Variants in PTPRC observed in about 807,000 individuals in gnomAD.
The protein encoded by PTPRC is protein tyrosine phosphatase receptor type C.
In PTPRC, 44 loss-of-function variants were observed where a neutral mutation model predicts 155.9. That is an observed-to-expected ratio of 0.28 (90% CI 0.22 to 0.36). The LOEUF is 0.36. PTPRC is among the 10% of genes least tolerant of loss of function. The pLI is 1.00. For missense variants in PTPRC, 1,401 were observed against 1,564.6 expected (o/e 0.90, Z 1.76); for synonymous variants, 525 against 533.1 (o/e 0.98, Z 0.21).
intron 22 of PTPRC, among the ~76,000 whole-genome samples, chr1:198,734,805 G>C (rs1368453302): frequency 6.6e-6 from 1 of 151,622 alleles, no homozygotes; most frequent in African/African-American, 2.4e-5. Context: ...AGGAATAAAA[G>C]CCTCTCTGTC....
intron 28 of PTPRC, 110 bp from the exon 29 acceptor site, chr1:198,750,382 T>TA (rs1183094051): frequency 9.0e-7 from 1 of 1,110,248 alleles, no homozygotes; most frequent in Non-Finnish European, 1.4e-6. Flanking sequence ...TTACTATTTG[T>TA]ATGTAACAGC....
At chr1:198,673,121 T>C (rs1158840564) in intron 2 of PTPRC, among the ~76,000 whole-genome samples, 1 of 152,086 alleles carries the variant, frequency 6.6e-6, no homozygotes, top group Non-Finnish European at 1.5e-5. Context: ...AGACTAATCG[T>C]CTTCCTTTCC....
chr1:198,639,197 A>G, intron 1 of PTPRC, 29 bp from the exon 2 acceptor site: 1 of 1,247,154 alleles, frequency 8.0e-7, no homozygotes, highest in African/African-American at 1.5e-5. Flanking sequence ...AAAAACTTCT[A>G]CAGAGATAAC....
At chr1:198,680,633 T>A (rs1345501618) in intron 2 of PTPRC, among the ~76,000 whole-genome samples, 2 of 151,924 alleles carry the variant, frequency 1.3e-5, no homozygotes, top group African/African-American at 4.8e-5. Context: ...AATGTGGCGG[T>A]ATCTAGCATG....
At chr1:198,665,921 G>T (rs1387532832) in intron 2 of PTPRC, among the ~76,000 whole-genome samples, 1 of 152,104 alleles carries the variant, frequency 6.6e-6, no homozygotes, top group Non-Finnish European at 1.5e-5. Context: ...TATGTTATTA[G>T]TATATCTTTA....
intron 2 of PTPRC, among the ~76,000 whole-genome samples, chr1:198,663,738 T>C (rs915533328): frequency 4.8e-4 from 73 of 152,364 alleles, no homozygotes; most frequent in African/African-American, 1.6e-3. Flanking sequence ...AACCGCTTTG[T>C]GCCTCAGTTT....
In PTPRC at chr1:198,703,375, G is replaced by A; in HGVS notation, c.658+3G>A. ...TGTCATTTCAACCACAACAATAGGT[G>A]ATATTACCCTCAGTCAGGCAGCCAC... On this transcript the variant is annotated splice_donor_region_variant and intron_variant, in intron 7 of 32. Transcript: ENST00000442510. 3 of 1,612,370 alleles carry A rather than the reference G, an allele frequency of 1.9e-6. No homozygotes were observed. Among genetic ancestry groups the A allele is most frequent in the Non-Finnish European group, 2.5e-6 (3 of 1,180,014 alleles).
In PTPRC at chr1:198,752,286, C is replaced by T; in HGVS notation, c.3245C>T (p.Thr1082Ile). Residue 1082 changes from threonine (T) to isoleucine (I), a missense_variant, in exon 30 of 33, where the codon ACA becomes ATA. Thr to Ile is a moderately conservative substitution (Grantham distance 89). Around this residue, in one of 3 missense-constraint regions of PTPRC, gnomAD observed 400 missense variants for 389.5 expected, o/e 1.03. Coordinates refer to ENST00000442510, the MANE Select transcript of PTPRC (RefSeq NM_002838.5). ...CAQYWGEGKQ[T>I]YGDIEVDLKD... ...CAGTACTGGGGAGAAGGAAAGCAAACATATGGAGATATTGAAGTTGACCTG... is the reference window on the plus strand; with the variant it reads ...CAGTACTGGGGAGAAGGAAAGCAAATATATGGAGATATTGAAGTTGACCTG... The T allele has an allele frequency of 1.2e-6, 2 of 1,611,596 alleles. No individual in the cohort carries two copies. Among genetic ancestry groups the T allele is most frequent in the Non-Finnish European group, 1.7e-6 (2 of 1,178,208 alleles).
rs544742536 is a variant in PTPRC at position 198,693,813 on chromosome 1, G to T, written c.100+1440G>T. Among the ~76,000 whole-genome samples the T allele has an allele frequency of 3.3e-5, 5 of 152,280 alleles. No individual in the cohort carries two copies. The South Asian group carries it at 1.0e-3, about 32-fold the overall frequency. Reference sequence around the variant, plus strand: ...GATGTGTGCAAAGATATGAAGGAGAGTAGTTCTCTGAAAACCTTTCTCCCT... The same window carrying T: ...GATGTGTGCAAAGATATGAAGGAGATTAGTTCTCTGAAAACCTTTCTCCCT... On this transcript the variant is annotated intron_variant, in intron 3 of 32. Transcript: ENST00000442510.
chr1:198,688,886 A>C (rs1258282761), intron 2 of PTPRC, among the ~76,000 whole-genome samples: 2 of 152,188 alleles, frequency 1.3e-5, no homozygotes, highest in African/African-American at 4.8e-5. Context: ...GCTCAGGTTC[A>C]AGTCTGGCTC....
intron 23 of PTPRC, among the ~76,000 whole-genome samples, chr1:198,739,403 G>A (rs554311472): frequency 2.5e-4 from 38 of 151,182 alleles, no homozygotes; most frequent in African/African-American, 8.8e-4. Context: ...TTTGTAAATG[G>A]AAACCTAAAA....
Position 198,703,347 on chromosome 1 carries a change from C to T in PTPRC, c.633C>T (p.Ser211=), listed in dbSNP as rs772410895. ...SETTTLSPSG[S]AVISTTTIAT... ...CAACCACTCTGAGCCCTTCTGGAAG[C>T]GCTGTCATTTCAACCACAACAATAG... Residue 211 remains serine (S), a synonymous_variant, in exon 7 of 33, where the codon AGC becomes AGT. Transcript: ENST00000442510. 9.9e-6 allele frequency: 16 copies of T among 1,613,168 alleles called. No individual in the cohort carries two copies. Among genetic ancestry groups the T allele is most frequent in the South Asian group, 3.3e-5 (3 of 91,080 alleles).
At chr1:198,643,950 C>T (rs758820610) in intron 2 of PTPRC, among the ~76,000 whole-genome samples, 7 of 151,882 alleles carry the variant, frequency 4.6e-5, no homozygotes, top group Non-Finnish European at 7.4e-5. Flanking sequence ...TCTTTACAGA[C>T]AGTGTGGTGA....
intron 25 of PTPRC, among the ~76,000 whole-genome samples, chr1:198,742,622 T>C (rs1193058193): frequency 1.3e-5 from 2 of 151,736 alleles, no homozygotes; most frequent in Non-Finnish European, 2.9e-5. Flanking sequence ...TTAACATATA[T>C]CAGATTGGCA....
intron 2 of PTPRC, among the ~76,000 whole-genome samples, chr1:198,655,332 C>A (rs1456989686): frequency 6.6e-6 from 1 of 151,842 alleles, no homozygotes; most frequent in African/African-American, 2.4e-5. Context: ...TTTAGAGAAG[C>A]AAGAGACCTT....
At chr1:198,640,564 A>T (rs1319911083) in intron 2 of PTPRC, among the ~76,000 whole-genome samples, 1 of 152,010 alleles carries the variant, frequency 6.6e-6, no homozygotes, top group East Asian at 1.9e-4. Flanking sequence ...CATTTGTCTT[A>T]GTACAGAAAA....
chr1:198,704,415 A>G, intron 7 of PTPRC, 57 bp from the exon 8 acceptor site: 2 of 1,611,890 alleles, frequency 1.2e-6, no homozygotes, highest in Non-Finnish European at 1.7e-6. Flanking sequence ...CAAAAATGAC[A>G]TGGCAGATAT....
At chr1:198,696,663 T>C in intron 3 of PTPRC, 49 bp from the exon 4 acceptor site, 4 of 1,472,446 alleles carry the variant, frequency 2.7e-6, no homozygotes, top group Non-Finnish European at 3.8e-6. Flanking sequence ...ATTTAGGGTA[T>C]GATTCACATA....
intron 3 of PTPRC, chr1:198,694,496 A>G (rs1002660909): frequency 7.0e-6 from 7 of 1,003,524 alleles, no homozygotes; most frequent in Non-Finnish European, 8.3e-6. Flanking sequence ...ATGTTGCATG[A>G]TTTTCCTTCT....
Sources: allele counts gnomAD v4.1 joint callset (sites outside exome capture counted in the v4.1 genomes callset), GRCh38; gene constraint gnomAD v4.1.1; regional missense constraint gnomAD v4.1.1; transcripts MANE v1.5; gene names NCBI Gene and HGNC (gene_info 2026-07-23, HGNC 2026-07-21).